Variants in GPLD1 observed in about 807,000 individuals in gnomAD.
GPLD1 encodes the protein phosphatidylinositol-glycan-specific phospholipase D.
A neutral mutation model predicts 112.6 loss-of-function variants in GPLD1; 84 were observed. That is an observed-to-expected ratio of 0.75 (90% CI 0.63 to 0.89). The LOEUF is 0.89. Among genes scored for constraint, GPLD1 ranks in the 40% least tolerant of loss-of-function variants. GPLD1 has a pLI of 0.00. For synonymous variants in GPLD1, 386 were observed against 403.8 expected (o/e 0.96, Z 0.53); for missense variants, 1,044 against 1,051.5 (o/e 0.99, Z 0.10).
chr6:24,436,453 A>G, intron 22 of GPLD1, 123 bp downstream of exon 22: 1 of 767,836 alleles, frequency 1.3e-6, no homozygotes, highest in South Asian at 1.7e-5. Flanking sequence ...TGGACAGATG[A>G]TGGTGTCCTG....
At chr6:24,456,241 A>G (rs1237675029) in intron 13 of GPLD1, among the ~76,000 whole-genome samples, 1 of 151,978 alleles carries the variant, frequency 6.6e-6, no homozygotes, top group Non-Finnish European at 1.5e-5. Flanking sequence ...TCTACTAAAA[A>G]TATAAAAATT....
In GPLD1 at chr6:24,435,185, G is replaced by A. The variant is rs188391829; in HGVS notation, c.2358+1391C>T. Among the ~76,000 whole-genome samples, 390 of 151,186 alleles carry A rather than the reference G, an allele frequency of 2.6e-3. 1 individual carries two copies. Among genetic ancestry groups the A allele is most frequent in the African/African-American group, 8.8e-3 (364 of 41,234 alleles). Reference sequence around the variant, plus strand: ...CGCCACCAAGCCCGGCTAATTTTTTGTATCTTTAGTAGGGACAGGGTTTCA... The same window carrying A: ...CGCCACCAAGCCCGGCTAATTTTTTATATCTTTAGTAGGGACAGGGTTTCA... On this transcript the variant is annotated intron_variant, in intron 22 of 24. Coordinates refer to ENST00000230036, the MANE Select transcript of GPLD1 (RefSeq NM_001503.4).
chr6:24,430,256 T>C (rs1762361069), intron 24 of GPLD1, among the ~76,000 whole-genome samples: 1 of 152,228 alleles, frequency 6.6e-6, no homozygotes, highest in South Asian at 2.1e-4. Context: ...TCACTCTGTT[T>C]TGTCAGAGTC....
intron 22 of GPLD1, 157 bp from the exon 23 acceptor site, chr6:24,433,546 G>A (rs1400789376): frequency 3.6e-6 from 2 of 558,322 alleles, no homozygotes; most frequent in Admixed American, 3.4e-5. Context: ...AGGCTGGAGT[G>A]CAGTGGCGTG....
At position 24,484,373 on chromosome 6, in the gene GPLD1, G is replaced by A. The variant is rs890651616; in HGVS notation, c.153+1702C>T. On this transcript the variant is annotated intron_variant, in intron 2 of 24. Coordinates refer to ENST00000230036, the MANE Select transcript of GPLD1 (RefSeq NM_001503.4). ...CTAGACTATAGGTGTCTGCCACCAC[G>A]GCCAGCTAATTTTTGTATTTTTAGT... Among the ~76,000 whole-genome samples, 9 of 151,916 alleles carry A rather than the reference G, an allele frequency of 5.9e-5. No individual in the cohort carries two copies. The South Asian group carries it at 6.2e-4, about 11-fold the overall frequency.
chr6:24,466,019 C>A (rs1763601537), intron 10 of GPLD1, among the ~76,000 whole-genome samples: 1 of 152,274 alleles, frequency 6.6e-6, no homozygotes, highest in Non-Finnish European at 1.5e-5. Flanking sequence ...GGAGACCTGG[C>A]ACTCCAGCCC....
intron 21 of GPLD1, 98 bp downstream of exon 21, chr6:24,437,015 G>T: frequency 9.0e-7 from 1 of 1,105,956 alleles, no homozygotes; most frequent in Non-Finnish European, 1.3e-6. Context: ...CCACTGGGCT[G>T]TCAATTATAA....
At chr6:24,442,455 T>C (rs1762778217) in intron 20 of GPLD1, among the ~76,000 whole-genome samples, 1 of 40,178 alleles carries the variant, frequency 2.5e-5, no homozygotes, top group East Asian at 4.2e-4. Flanking sequence ...TTTTTTTTTT[T>C]TTTTTTTGAG....
intron 12 of GPLD1, 41 bp downstream of exon 12, chr6:24,460,238 G>A (rs1458494329): frequency 6.2e-7 from 1 of 1,609,512 alleles, no homozygotes; most frequent in African/African-American, 1.3e-5. Context: ...ATCTCAAGAA[G>A]CAGCATTCCT....
At chr6:24,477,903 C>CA (rs1284260570) in intron 3 of GPLD1, among the ~76,000 whole-genome samples, 2 of 152,058 alleles carry the variant, frequency 1.3e-5, no homozygotes, top group Non-Finnish European at 2.9e-5. Flanking sequence ...TGGAAAAATG[C>CA]AAAAAAACCT....
At chr6:24,495,130 G>C (rs1463862742) in exon 1 of GPLD1, 2 of 1,388,738 alleles carry the variant, frequency 1.4e-6, no homozygotes, top group Admixed American at 6.7e-5. Flanking sequence ...GCCCAGCTCC[G>C]CTGCTACGCT....
At chr6:24,450,934 T>C (rs1763059835) in intron 14 of GPLD1, among the ~76,000 whole-genome samples, 1 of 152,202 alleles carries the variant, frequency 6.6e-6, no homozygotes. Flanking sequence ...ATCATGCCAC[T>C]GCACTCCAGC....
intron 7 of GPLD1, among the ~76,000 whole-genome samples, chr6:24,471,581 A>G (rs1763825562): frequency 6.6e-6 from 1 of 152,244 alleles, no homozygotes; most frequent in African/African-American, 2.4e-5. Context: ...AGAGGAAAAA[A>G]TAAAATTAGA....
In GPLD1 at chr6:24,484,129, A is replaced by C. The variant is rs576364416; in HGVS notation, c.153+1946T>G. Among the ~76,000 whole-genome samples the C allele has an allele frequency of 6.1e-3, 929 of 151,956 alleles. 8 individuals carry two copies. Among genetic ancestry groups the C allele is most frequent in the Non-Finnish European group, 0.011 (758 of 67,976 alleles). ...ACGGGGTTTCACCGTGTTAGCCAGG[A>C]TGGTCTTGATCTCCTGACCTCATGA... is the stretch of plus-strand genomic sequence containing the variant. On this transcript the variant is annotated intron_variant, in intron 2 of 24. Transcript: ENST00000230036.
rs995510955 is a variant in GPLD1 at position 24,475,032 on chromosome 6, T to A, written c.441+89A>T. 5 of 733,816 alleles carry A rather than the reference T, an allele frequency of 6.8e-6. No homozygotes were observed. The Admixed American group carries it at 1.0e-4, about 15-fold the overall frequency. The allele number at this position is 733,816 out of a possible 1,614,324, so 45.5% of individuals were successfully genotyped here. On this transcript the variant is annotated intron_variant, in intron 5 of 24. Transcript: ENST00000230036. ...GGCAGAAGTCTGAATAACCTAACATTTTCCTTTCTTTTAAAACGGTCAGGT... is the reference window on the plus strand; with the variant it reads ...GGCAGAAGTCTGAATAACCTAACATATTCCTTTCTTTTAAAACGGTCAGGT...
chr6:24,478,158 C>CT (rs138474365), intron 3 of GPLD1, among the ~76,000 whole-genome samples: 2,249 of 152,216 alleles, frequency 0.015, 30 homozygotes, highest in South Asian at 0.037. Flanking sequence ...TTTCTTCTTT[C>CT]TTTTTTGTAG....
rs776586777 is a variant in GPLD1, at chr6:24,426,112, C to T, written c.*2920G>A. On this transcript the variant is annotated 3_prime_UTR_variant, in exon 25 of 25. Transcript: ENST00000230036. ...GCCTTGAGAAAAGCTGTTACATATA[C>T]GCAGATAGTAGCAAGACAGAAAATG... 3.9e-4 allele frequency: 59 copies of T among 152,084 alleles called. 1 individual carries two copies. Among genetic ancestry groups the T allele is most frequent in the Admixed American group, 2.0e-4 (3 of 15,280 alleles). 9.4% of individuals were successfully genotyped at this position (152,084 alleles called of 1,614,324 possible).
chr6:24,456,442 T>C (rs949586794), intron 13 of GPLD1, 56 bp downstream of exon 13: 17 of 1,115,310 alleles, frequency 1.5e-5, no homozygotes, highest in African/African-American at 3.2e-5. Flanking sequence ...TGCAGAATGA[T>C]TGAATAAAAT....
rs1762249750 is a variant in GPLD1, at chr6:24,426,702, A to G, written c.*2330T>C. Among the ~76,000 whole-genome samples, 1 of 22,810 alleles carries G rather than the reference A, an allele frequency of 4.4e-5. No homozygotes were observed. The highest frequency in any genetic ancestry group is 6.7e-5 in the African/African-American group (1 of 15,018). The allele number at this position is 22,810 out of a possible 152,430, so 15.0% of individuals were successfully genotyped here. On this transcript the variant is annotated 3_prime_UTR_variant, in exon 25 of 25. Coordinates refer to ENST00000230036, the MANE Select transcript of GPLD1 (RefSeq NM_001503.4). The stretch of plus-strand genomic sequence containing the variant: ...TCCCTTTACTCAAGTGTCAGATGTC[A>G]GAGTGCTCTAACTGCTCAACTCATA...
Sources: allele counts gnomAD v4.1 joint callset (sites outside exome capture counted in the v4.1 genomes callset), GRCh38; gene constraint gnomAD v4.1.1; transcripts MANE v1.5; gene names NCBI Gene and HGNC (gene_info 2026-07-23, HGNC 2026-07-21).